Variants in MACF1 observed in about 807,000 individuals in gnomAD.
MACF1 encodes microtubule-actin cross-linking factor 1.
Under a neutral mutation model 854.8 loss-of-function variants are expected in MACF1, and 193 were observed. The observed-to-expected ratio is 0.23, with a 90% CI of 0.20 to 0.25. The LOEUF (loss-of-function observed/expected upper bound fraction) is 0.25, where lower values mean the gene tolerates loss of function less well. Among genes scored for constraint, MACF1 ranks in the 10% least tolerant of loss-of-function variants. MACF1 has a pLI of 1.00. For synonymous variants in MACF1, 3,185 were observed against 3,226.7 expected, an observed-to-expected ratio of 0.99 and a Z score of 0.44; for missense variants, 7,722 against 8,929.1, an observed-to-expected ratio of 0.86 and a Z score of 5.45.
chr1:39,193,119 TA>T lies in MACF1; in HGVS notation c.221-38052del, dbSNP rs564270904. 1.5e-3 allele frequency among the ~76,000 whole-genome samples: 216 copies of T among 144,844 alleles called. 6 individuals are homozygous for T. The South Asian group carries it at 0.033, about 22-fold the overall frequency. On this transcript the variant is annotated intron_variant, in intron 2 of 93. Coordinates refer to the MACF1 transcript ENST00000361689. ...AAGAGTGAAATTCCATCTCAAAAAT[TA>T]AAAAAAAAAAGAATATTTCTGGACA...
At chr1:39,193,061 G>A (rs1433382384) in intron 2 of MACF1, among the ~76,000 whole-genome samples, 1 of 152,012 alleles carries the variant, frequency 6.6e-6, no homozygotes, top group Non-Finnish European at 1.5e-5. Context: ...GCAGTGAACC[G>A]AGATTGTGCC....
Position 39,452,711 on chromosome 1 carries a change from A to G in MACF1, c.20641A>G (p.Met6881Val). The G allele has an allele frequency of 2.5e-6, 4 of 1,613,596 alleles. No individual in the cohort carries two copies. Among genetic ancestry groups the G allele is most frequent in the Non-Finnish European group, 3.4e-6 (4 of 1,180,014 alleles). ...GGAAGTGTTTCGAGACACAGTCCAC[A>G]TGCTGTTGGAGTGGCTTTCTGAAGC... ...QAEVFRDTVH[M>V]LLEWLSEAEQ... The change falls in exon 87 of 101, where the codon ATG becomes GTG. Residue 6881 changes from methionine (M) to valine (V), a missense_variant. Met to Val is a conservative substitution (Grantham distance 21, BLOSUM62 1). Coordinates refer to ENST00000564288, the MANE Select transcript of MACF1 (RefSeq NM_001394062.1).
At chr1:39,393,865 G>A (rs144656212) in intron 58 of MACF1, among the ~76,000 whole-genome samples, 3 of 140,330 alleles carry the variant, frequency 2.1e-5, no homozygotes, top group South Asian at 4.5e-4. Context: ...GAGAGAGAGA[G>A]AAAGAAAGAG....
chr1:39,200,854 C>T (rs927578017), upstream of MACF1, among the ~76,000 whole-genome samples: 1 of 152,162 alleles, frequency 6.6e-6, no homozygotes, highest in African/African-American at 2.4e-5. Context: ...GAAGGAGGAT[C>T]ACATGAGGCC....
At chr1:39,238,723 C>G (rs1644887549) in intron 2 of MACF1, among the ~76,000 whole-genome samples, 1 of 152,160 alleles carries the variant, frequency 6.6e-6, no homozygotes, top group South Asian at 2.1e-4. Flanking sequence ...GGAGGCCAGC[C>G]AAAGCTTTTC....
chr1:39,387,794 G>T lies in MACF1; in HGVS notation c.14952G>T (p.Lys4984Asn). 6.2e-7 allele frequency: 1 copy of T among 1,614,166 alleles called. No individual in the cohort carries two copies. The highest frequency in any genetic ancestry group is 8.5e-7 in the Non-Finnish European group (1 of 1,180,048). The change falls in exon 58 of 101, where the codon AAG (lysine) becomes AAT (asparagine). Residue 4984 changes from lysine to asparagine, a missense_variant. Physicochemically the swap from Lys to Asn is moderately conservative, Grantham distance 94. Around this residue, in one of 15 missense-constraint regions of MACF1, gnomAD observed 2,807 missense variants for 3,235.8 expected, o/e 0.87. Transcript: ENST00000564288. ...EADEDGIRDE[K>N]AGINQNMDAV... ...ATGAGGATGGAATCCGGGATGAGAA[G>T]GCTGGGATCAACCAGAACATGGATG...
chr1:39,437,727 A>G, intron 70 of MACF1, 50 bp from the exon 71 acceptor site: 1 of 1,333,970 alleles, frequency 7.5e-7, no homozygotes, highest in Non-Finnish European at 1.1e-6. Context: ...CACTTCTCCA[A>G]GAAGAGTGAT....
chr1:39,228,535 A>G (rs994640722), intron 1 of MACF1, among the ~76,000 whole-genome samples: 4 of 152,120 alleles, frequency 2.6e-5, no homozygotes, highest in Non-Finnish European at 4.4e-5. Flanking sequence ...CTGAATCAGC[A>G]TCTAAAAAGA....
chr1:39,253,033 C>T (rs12084111), intron 4 of MACF1, among the ~76,000 whole-genome samples: 4,715 of 152,258 alleles, frequency 0.031, 235 homozygotes, highest in African/African-American at 0.11. Context: ...TTGACACTTA[C>T]AAAAGAAGTG....
In MACF1 at chr1:39,283,193, G is replaced by A; in HGVS notation, c.700G>A (p.Asp234Asn). 6.2e-7 allele frequency: 1 copy of A among 1,607,130 alleles called. No homozygotes were observed. Among genetic ancestry groups the A allele is most frequent in the Non-Finnish European group, 8.5e-7 (1 of 1,173,740 alleles). Residue 234 changes from aspartate (D) to asparagine (N), a missense_variant, in exon 8 of 101, where the codon GAT becomes AAT. Coordinates refer to ENST00000564288, the MANE Select transcript of MACF1 (RefSeq NM_001394062.1). This position sits in a 1 kb window ranked among gnomAD's most constrained non-coding sequence, Gnocchi z 4.5. Reference protein sequence around the residue: ...FNALIHRYRPDLVDMERVQIQ... With the variant: ...FNALIHRYRPNLVDMERVQIQ... The stretch of plus-strand genomic sequence containing the variant: ...TGCCTTGCTGGACTTTTACAGACCC[G>A]ATCTAGTAGACATGGAGAGGGTGCA...
intron 2 of MACF1, among the ~76,000 whole-genome samples, chr1:39,087,158 G>A (rs1239471966): frequency 6.6e-6 from 1 of 152,216 alleles, no homozygotes; most frequent in African/African-American, 2.4e-5. Flanking sequence ...ATGCTCTGAA[G>A]CTCTCTGAAG....
At chr1:39,164,768 G>A (rs1025309823) in intron 2 of MACF1, among the ~76,000 whole-genome samples, 4 of 152,096 alleles carry the variant, frequency 2.6e-5, no homozygotes, top group South Asian at 2.1e-4. Flanking sequence ...AGCTAGCACC[G>A]AGGTAATAAA....
intron 2 of MACF1, among the ~76,000 whole-genome samples, chr1:39,094,718 CAAAAA>C (rs78652109): frequency 4.4e-5 from 6 of 137,868 alleles, no homozygotes; most frequent in African/African-American, 7.9e-5. Flanking sequence ...AACTCTGTCT[CAAAAA>C]AAAAAAAGAA....
At chr1:39,314,576 C>G (rs1232626955) in intron 26 of MACF1, among the ~76,000 whole-genome samples, 1 of 136,090 alleles carries the variant, frequency 7.3e-6, no homozygotes, top group Non-Finnish European at 1.6e-5. Context: ...CTCTCACACA[C>G]ACACACACAC....
intron 38 of MACF1, among the ~76,000 whole-genome samples, chr1:39,338,601 G>C (rs1439427536): frequency 6.6e-6 from 1 of 152,184 alleles, no homozygotes; most frequent in Non-Finnish European, 1.5e-5. Context: ...CTAACGAAAG[G>C]CTGGATGTTC....
At chr1:39,359,717 T>C (rs1318503134) in intron 47 of MACF1, among the ~76,000 whole-genome samples, 2 of 151,660 alleles carry the variant, frequency 1.3e-5, no homozygotes, top group African/African-American at 4.8e-5. Context: ...ACATCTGTAA[T>C]CCCAGCACTT....
At chr1:39,483,559 G>A (rs1645054129) in intron 99 of MACF1, among the ~76,000 whole-genome samples, 1 of 152,212 alleles carries the variant, frequency 6.6e-6, no homozygotes, top group Admixed American at 6.5e-5. Context: ...GGAAGCTAGT[G>A]TGGCTGGGAT....
intron 4 of MACF1, among the ~76,000 whole-genome samples, chr1:39,253,128 TA>T (rs1316796694): frequency 6.6e-6 from 1 of 152,218 alleles, no homozygotes; most frequent in Non-Finnish European, 1.5e-5. Context: ...GAAAATGTTC[TA>T]GGGGTAGATA....
chr1:39,292,921 A>G (rs536359283), intron 17 of MACF1, 78 bp downstream of exon 17: 1 of 1,233,346 alleles, frequency 8.1e-7, no homozygotes, highest in South Asian at 1.4e-5. Context: ...GTAATTCAGA[A>G]ATCTCCTGGT....
Sources: allele counts gnomAD v4.1 joint callset (sites outside exome capture counted in the v4.1 genomes callset), GRCh38; gene constraint gnomAD v4.1.1; regional missense constraint gnomAD v4.1.1; non-coding constraint Gnocchi (gnomAD v3.1); transcripts MANE v1.5; gene names NCBI Gene and HGNC (gene_info 2026-07-23, HGNC 2026-07-21).